PTPRM: variants seen among roughly 807,000 people sequenced by gnomAD.
PTPRM encodes the protein receptor-type tyrosine-protein phosphatase mu.
In PTPRM, 47 loss-of-function variants were observed where a neutral mutation model predicts 186.7. The observed-to-expected ratio is 0.25, with a 90% CI of 0.20 to 0.32. PTPRM has a LOEUF of 0.32. Ranked by LOEUF, PTPRM falls within the 10% of genes least tolerant of loss-of-function variation. The pLI, the probability that PTPRM is intolerant of heterozygous loss-of-function variation, is 1.00. For missense variants in PTPRM, 1,494 were observed against 1,865.0 expected, an observed-to-expected ratio of 0.80 and a Z score of 3.66; for synonymous variants, 668 against 674.9, an observed-to-expected ratio of 0.99 and a Z score of 0.16.
intron 2 of PTPRM, among the ~76,000 whole-genome samples, chr18:7,792,039 A>G (rs1211470167): frequency 6.6e-6 from 1 of 152,234 alleles, no homozygotes; most frequent in Non-Finnish European, 1.5e-5. Flanking sequence ...TTAATTCAGT[A>G]AAGCAAATAT....
intron 1 of PTPRM, among the ~76,000 whole-genome samples, chr18:7,744,581 T>C (rs2040947210): frequency 6.6e-6 from 1 of 152,200 alleles, no homozygotes; most frequent in African/African-American, 2.4e-5. Flanking sequence ...TATTAAAATA[T>C]ATTCCTAGTG....
intron 11 of PTPRM, among the ~76,000 whole-genome samples, chr18:8,091,605 G>A (rs1380681073): frequency 3.9e-5 from 4 of 101,722 alleles, no homozygotes; most frequent in African/African-American, 1.4e-4. Context: ...TTTTTTTTTT[G>A]CAGAAAAGTG....
In PTPRM at chr18:7,844,748, C is replaced by T. The variant is rs570709584; in HGVS notation, c.197-43358C>T. On this transcript the variant is annotated intron_variant, in intron 2 of 32. Coordinates refer to ENST00000580170, the MANE Select transcript of PTPRM (RefSeq NM_001105244.2). ...GTAGCTTTCCAAGTCTGATTTCTGC[C>T]TGTAGTACTTTTATTTTAGCCTCTT... 2.6e-5 allele frequency among the ~76,000 whole-genome samples: 4 copies of T among 152,258 alleles called. No homozygotes were observed. The East Asian group carries it at 7.7e-4, about 29-fold the overall frequency.
chr18:8,217,074 A>T (rs1280511571), intron 14 of PTPRM, among the ~76,000 whole-genome samples: 2 of 152,224 alleles, frequency 1.3e-5, no homozygotes, highest in Non-Finnish European at 2.9e-5. Flanking sequence ...TACTGTGGCA[A>T]GGTTAATAAT....
chr18:7,834,503 C>CACACATACACACACACACACACAG (rs2045932408), intron 2 of PTPRM, among the ~76,000 whole-genome samples: 2 of 143,104 alleles, frequency 1.4e-5, no homozygotes, highest in African/African-American at 2.6e-5. Context: ...CACACACACA[C>CACACATACACACACACACACACAG]ACACACACAC....
intron 7 of PTPRM, among the ~76,000 whole-genome samples, chr18:8,054,429 G>GT (rs918385841): frequency 2.7e-5 from 4 of 146,312 alleles, no homozygotes; most frequent in Non-Finnish European, 4.5e-5. Context: ...CTTTTCTTTT[G>GT]TTTTTTTCCC....
rs781182796 is a variant in PTPRM at position 8,378,232 on chromosome 18, A to G, written c.3463-33A>G. The stretch of plus-strand genomic sequence containing the variant: ...GTCTTTCCTCCTTCTCTGGTTCTCT[A>G]AAGTTAGTAACTCGTTCCATCTCCT... On this transcript the variant is annotated intron_variant, in intron 26 of 32. Transcript: ENST00000580170. The G allele has an allele frequency of 3.8e-6, 6 of 1,577,016 alleles. No homozygotes were observed. In the East Asian group the frequency reaches 6.7e-5, roughly 18 times the overall value.
intron 14 of PTPRM, among the ~76,000 whole-genome samples, chr18:8,149,780 T>C (rs1355662738): frequency 6.6e-6 from 1 of 152,216 alleles, no homozygotes; most frequent in Non-Finnish European, 1.5e-5. Context: ...TTGCAGTGGC[T>C]GGTACCGGTT....
intron 29 of PTPRM, among the ~76,000 whole-genome samples, chr18:8,381,360 T>TAA (rs60672111): frequency 0.011 from 1,466 of 137,994 alleles, 36 homozygotes; most frequent in African/African-American, 0.037. Flanking sequence ...TTCTTTTTCT[T>TAA]AAAAAAAAAA....
intron 2 of PTPRM, among the ~76,000 whole-genome samples, chr18:7,873,817 G>A (rs2048093962): frequency 6.6e-6 from 1 of 152,128 alleles, no homozygotes; most frequent in Non-Finnish European, 1.5e-5. Flanking sequence ...CTATTTTCAT[G>A]TCTGGAGCAG....
intron 14 of PTPRM, among the ~76,000 whole-genome samples, chr18:8,194,382 A>C (rs2093747364): frequency 6.6e-6 from 1 of 152,244 alleles, no homozygotes; most frequent in Non-Finnish European, 1.5e-5. Context: ...CGAGGTGTTC[A>C]AAACCAAGAG....
chr18:8,002,584 C>A (rs76577055), intron 7 of PTPRM, among the ~76,000 whole-genome samples: 2 of 152,128 alleles, frequency 1.3e-5, no homozygotes, highest in African/African-American at 4.8e-5. Context: ...CTCCTGTGTC[C>A]GTGATTGTCA....
chr18:8,214,449 T>A (rs1004299510), intron 14 of PTPRM, among the ~76,000 whole-genome samples: 1 of 152,170 alleles, frequency 6.6e-6, no homozygotes, highest in Non-Finnish European at 1.5e-5. Context: ...TAAATTCTTT[T>A]AAAAAGTTTA....
chr18:7,902,237 G>A (rs1805845549), intron 3 of PTPRM, among the ~76,000 whole-genome samples: 1 of 152,150 alleles, frequency 6.6e-6, no homozygotes, highest in South Asian at 2.1e-4. Context: ...GTCCTTCTTT[G>A]CCTCTTGATA....
At chr18:7,581,718 C>T (rs185583775) in intron 1 of PTPRM, among the ~76,000 whole-genome samples, 7 of 148,794 alleles carry the variant, frequency 4.7e-5, no homozygotes, top group South Asian at 2.1e-4. Flanking sequence ...TGCAGTGGTA[C>T]GATTATAGTT....
At chr18:7,925,039 T>G (rs2146781054) in intron 4 of PTPRM, among the ~76,000 whole-genome samples, 1 of 152,328 alleles carries the variant, frequency 6.6e-6, no homozygotes, top group South Asian at 2.1e-4. Flanking sequence ...TTGTGAGTAC[T>G]CAATGGAAAA....
At chr18:7,604,366 A>G (rs1179029196) in intron 1 of PTPRM, among the ~76,000 whole-genome samples, 1 of 152,182 alleles carries the variant, frequency 6.6e-6, no homozygotes, top group Admixed American at 6.5e-5. Context: ...TGCTCTGGTA[A>G]AACACAAACA....
chr18:7,999,938 C>T (rs746085431), intron 7 of PTPRM, among the ~76,000 whole-genome samples: 1 of 152,124 alleles, frequency 6.6e-6, no homozygotes, highest in Non-Finnish European at 1.5e-5. Context: ...GTAAAGGCAG[C>T]AGGCTCAAGA....
chr18:7,706,763 A>G (rs2040103553), intron 1 of PTPRM, among the ~76,000 whole-genome samples: 2 of 152,118 alleles, frequency 1.3e-5, no homozygotes, highest in Non-Finnish European at 2.9e-5. Context: ...TAAGAAAGAA[A>G]GTTGCTTCTA....
Sources: allele counts gnomAD v4.1 joint callset (sites outside exome capture counted in the v4.1 genomes callset), GRCh38; gene constraint gnomAD v4.1.1; transcripts MANE v1.5; gene names NCBI Gene and HGNC (gene_info 2026-07-23, HGNC 2026-07-21).